The following CSMD1 variants were observed in gnomAD, a reference collection of about 807,000 sequenced individuals.
CSMD1 encodes CUB and Sushi multiple domains 1, also known as CUB and sushi domain-containing protein 1.
CSMD1 carries 213 observed loss-of-function variants against 417.5 expected under a neutral mutation model. The ratio of observed to expected loss-of-function variants is 0.51; its 90% confidence interval spans 0.46 to 0.57. The LOEUF is 0.57. CSMD1 is among the 20% of genes least tolerant of loss of function. The pLI is 0.00. For synonymous variants in CSMD1, 2,862 were observed against 1,736.8 expected (o/e 1.65, Z -16.11); for missense variants, 6,923 against 4,529.7 (o/e 1.53, Z -15.17).
chr8:4,131,702 A>C (rs564813117), intron 3 of CSMD1, among the ~76,000 whole-genome samples: 1 of 151,696 alleles, frequency 6.6e-6, no homozygotes, highest in African/African-American at 2.4e-5. Context: ...TGCAAAAAAT[A>C]TACTATCAGA....
At chr8:3,754,625 T>C (rs1797552342) in intron 5 of CSMD1, among the ~76,000 whole-genome samples, 1 of 152,122 alleles carries the variant, frequency 6.6e-6, no homozygotes, top group South Asian at 2.1e-4. Context: ...TGGCTACTTT[T>C]TATATTTTTA....
chr8:4,025,766 C>G (rs1466010083), intron 4 of CSMD1, among the ~76,000 whole-genome samples: 2 of 152,070 alleles, frequency 1.3e-5, no homozygotes, highest in African/African-American at 4.8e-5. Context: ...TGTTTGTTCC[C>G]TGTTTAAGGG....
At chr8:3,721,913 G>A (rs544002359) in intron 6 of CSMD1, among the ~76,000 whole-genome samples, 22 of 152,256 alleles carry the variant, frequency 1.4e-4, no homozygotes, top group African/African-American at 4.8e-4. Flanking sequence ...ACAATGGGAA[G>A]TACTGATGCA....
chr8:3,426,348 G>C (rs1813838624), intron 12 of CSMD1, among the ~76,000 whole-genome samples: 2 of 152,134 alleles, frequency 1.3e-5, no homozygotes, highest in Admixed American at 1.3e-4. Context: ...ATCAGACAGT[G>C]ATCATGAGAC....
At chr8:4,597,152 C>G (rs1378871318) in intron 2 of CSMD1, among the ~76,000 whole-genome samples, 1 of 151,988 alleles carries the variant, frequency 6.6e-6, no homozygotes, top group Non-Finnish European at 1.5e-5. Context: ...AAGCAGTTTC[C>G]TCTCCTCAGT....
At chr8:4,199,486 G>T (rs1411296778) in intron 3 of CSMD1, among the ~76,000 whole-genome samples, 1 of 152,132 alleles carries the variant, frequency 6.6e-6, no homozygotes, top group African/African-American at 2.4e-5. Context: ...AAGGCAAATA[G>T]GAATATGGTG....
chr8:4,920,559 T>C (rs985119146), intron 1 of CSMD1, among the ~76,000 whole-genome samples: 2 of 152,252 alleles, frequency 1.3e-5, no homozygotes, highest in South Asian at 4.1e-4. Context: ...CAGTGGCTCA[T>C]GCCTGTAATC....
intron 7 of CSMD1, among the ~76,000 whole-genome samples, chr8:3,648,358 CAG>C (rs1406466051): frequency 6.6e-6 from 1 of 152,102 alleles, no homozygotes; most frequent in African/African-American, 2.4e-5. Flanking sequence ...TTGGTCATGA[CAG>C]AGAAATTTTC....
At chr8:3,267,296 G>A (rs973680703) in intron 26 of CSMD1, among the ~76,000 whole-genome samples, 1 of 152,216 alleles carries the variant, frequency 6.6e-6, no homozygotes, top group African/African-American at 2.4e-5. Flanking sequence ...CGTCTCACAA[G>A]GCGTGATATC....
chr8:3,469,392 A>G (rs1364530348), intron 11 of CSMD1, among the ~76,000 whole-genome samples: 1 of 152,238 alleles, frequency 6.6e-6, no homozygotes, highest in Non-Finnish European at 1.5e-5. Context: ...AACAACATGC[A>G]TAGCTGAAAT....
intron 36 of CSMD1, among the ~76,000 whole-genome samples, chr8:3,184,976 T>A (rs989569828): frequency 6.6e-6 from 1 of 152,226 alleles, no homozygotes; most frequent in Non-Finnish European, 1.5e-5. Flanking sequence ...ACATCCCTGT[T>A]TTGTCCTGGT....
chr8:3,289,699 G>A (rs751170042), intron 25 of CSMD1, among the ~76,000 whole-genome samples: 1 of 146,792 alleles, frequency 6.8e-6, no homozygotes, highest in South Asian at 2.1e-4. Flanking sequence ...AAAATTTGTT[G>A]GAGTTCATTG....
chr8:4,761,659 C>A (rs551149416), intron 1 of CSMD1, among the ~76,000 whole-genome samples: 1 of 152,076 alleles, frequency 6.6e-6, no homozygotes, highest in African/African-American at 2.4e-5. Flanking sequence ...AGCATATAGA[C>A]TACCTTTATT....
At chr8:3,182,640 A>G (rs1252542891) in intron 36 of CSMD1, among the ~76,000 whole-genome samples, 10 of 54,604 alleles carry the variant, frequency 1.8e-4, no homozygotes, top group South Asian at 1.1e-3. Flanking sequence ...GTGTATTGTT[A>G]GTAGAGAAGG....
intron 3 of CSMD1, among the ~76,000 whole-genome samples, chr8:4,394,989 G>A (rs1804103202): frequency 1.3e-5 from 2 of 152,182 alleles, no homozygotes; most frequent in South Asian, 2.1e-4. Context: ...AGAAAGGGAA[G>A]AGGCACAGCA....
At chr8:4,508,973 G>A (rs920609019) in intron 2 of CSMD1, among the ~76,000 whole-genome samples, 12 of 152,154 alleles carry the variant, frequency 7.9e-5, no homozygotes, top group East Asian at 1.9e-4. Context: ...GCTTTCCTGC[G>A]GCTGTGACAT....
At position 4,476,807 on chromosome 8, in the gene CSMD1, T is replaced by G. The variant is rs999443383; in HGVS notation, c.303-56742A>C. On this transcript the variant is annotated intron_variant, in intron 2 of 69. Coordinates refer to ENST00000635120, the MANE Select transcript of CSMD1 (RefSeq NM_033225.6). ...AGCACCTGACACATGAAGTCCTCCA[T>G]CAAAACCCATCACCGTACTTCCCTG... Among the ~76,000 whole-genome samples, 5 of 152,078 alleles carry G rather than the reference T, an allele frequency of 3.3e-5. No homozygotes were observed. In the East Asian group the frequency reaches 7.7e-4, roughly 24 times the overall value.
intron 3 of CSMD1, among the ~76,000 whole-genome samples, chr8:4,399,806 G>A (rs995195511): frequency 1.3e-5 from 2 of 152,164 alleles, no homozygotes; most frequent in Admixed American, 6.5e-5. Context: ...TCTGCTTTTA[G>A]GAAGCTATTA....
chr8:3,684,887 A>C (rs891306765), intron 7 of CSMD1, among the ~76,000 whole-genome samples: 3 of 152,172 alleles, frequency 2.0e-5, no homozygotes, highest in Non-Finnish European at 4.4e-5. Context: ...TTGCAGTTCT[A>C]AATTCTCTTC....
Sources: allele counts gnomAD v4.1 joint callset (sites outside exome capture counted in the v4.1 genomes callset), GRCh38; gene constraint gnomAD v4.1.1; transcripts MANE v1.5; gene names NCBI Gene and HGNC (gene_info 2026-07-23, HGNC 2026-07-21).